Variants in SLC47A1 observed in about 807,000 individuals in gnomAD.
SLC47A1 encodes the protein solute carrier family 47 member 1.
SLC47A1 carries 58 observed loss-of-function variants against 65.8 expected under a neutral mutation model. The ratio of observed to expected loss-of-function variants is 0.88; its 90% CI spans 0.71 to 1.10. SLC47A1 has a LOEUF of 1.10. Ranked by LOEUF, SLC47A1 falls within the 50% of genes least tolerant of loss-of-function variation. The pLI, the probability that SLC47A1 is intolerant of heterozygous loss-of-function variation, is 0.00. For synonymous variants in SLC47A1, 285 were observed against 295.0 expected (o/e 0.97, Z 0.35); for missense variants, 706 against 719.2 (o/e 0.98, Z 0.21).
chr17:19,534,813 C>T (rs529446723), intron 1 of SLC47A1: 1 of 152,262 alleles, frequency 6.6e-6, no homozygotes, highest in South Asian at 2.1e-4. Flanking sequence ...TGCCTTGTCT[C>T]CTAAAAATAA....
At chr17:19,546,569 G>C in intron 3 of SLC47A1, 66 bp downstream of exon 3, 2 of 1,482,044 alleles carry the variant, frequency 1.3e-6, no homozygotes, top group Non-Finnish European at 1.9e-6. Flanking sequence ...AGATGGAAGA[G>C]CTCCACTGGC....
intron 2 of SLC47A1, 46 bp downstream of exon 2, chr17:19,542,540 G>T (rs1328850714): frequency 2.8e-6 from 4 of 1,422,730 alleles, no homozygotes; most frequent in Non-Finnish European, 3.9e-6. Context: ...GTCTGTGTTT[G>T]CCTTCTGCTG....
At chr17:19,537,924 C>G (rs564962018) in intron 1 of SLC47A1, among the ~76,000 whole-genome samples, 37 of 152,352 alleles carry the variant, frequency 2.4e-4, no homozygotes, top group South Asian at 1.2e-3. Context: ...GTTCATCATG[C>G]AGGTTTCAGC....
Position 19,549,637 on chromosome 17 carries a change from T to G in SLC47A1, c.458T>G (p.Leu153Arg). 1 of 1,614,186 alleles carries G rather than the reference T, an allele frequency of 6.2e-7. No individual in the cohort carries two copies. The highest frequency in any genetic ancestry group is 8.5e-7 in the Non-Finnish European group (1 of 1,180,006). The change falls in exon 5 of 17, where the codon CTT (leucine) becomes CGT (arginine). Residue 153 changes from leucine to arginine, a missense_variant and splice_region_variant. Leu to Arg is a moderately radical substitution (Grantham distance 102). Coordinates refer to ENST00000270570, the MANE Select transcript of SLC47A1 (RefSeq NM_018242.3). ...TTCTTTTTCTTTTCGTTATTTAGGCTTACCCAGACCTATGTCACGATCTTC... is the reference window on the plus strand; with the variant it reads ...TTCTTTTTCTTTTCGTTATTTAGGCGTACCCAGACCTATGTCACGATCTTC... ...LFRQDPDVSR[L>R]TQTYVTIFIP...
chr17:19,543,361 C>T (rs142515366), intron 2 of SLC47A1, among the ~76,000 whole-genome samples: 1,519 of 151,834 alleles, frequency 0.01, 20 homozygotes, highest in African/African-American at 0.034. Flanking sequence ...CCACCCGCCT[C>T]GGCCTCCCAA....
At chr17:19,545,988 G>C (rs4924998) in intron 2 of SLC47A1, among the ~76,000 whole-genome samples, 152,160 of 152,162 alleles carry the variant, frequency 1, 76,079 homozygotes, top group Non-Finnish European at 1. Context: ...TTTGGGAGGC[G>C]GAGGCGGGTG....
intron 1 of SLC47A1, among the ~76,000 whole-genome samples, chr17:19,541,407 T>TG (rs1916146560): frequency 6.6e-6 from 1 of 151,880 alleles, no homozygotes; most frequent in African/African-American, 2.4e-5. Context: ...GTCTAGTGGG[T>TG]GGGGGGCAGG....
rs1486733472 is a variant in SLC47A1 at position 19,577,448 on chromosome 17, A to T, written c.1608A>T (p.Lys536Asn). Residue 536 changes from lysine to asparagine, a missense_variant, in exon 17 of 17, where the codon AAA (lysine) becomes AAT (asparagine). Coordinates refer to ENST00000270570, the MANE Select transcript of SLC47A1 (RefSeq NM_018242.3). ...CGGAACATCCACAGGACGGCGCTAAATTGTCCAGGAAACAGCTGGTGCTGC... is the reference window on the plus strand; with the variant it reads ...CGGAACATCCACAGGACGGCGCTAATTTGTCCAGGAAACAGCTGGTGCTGC... ...PLPEHPQDGA[K>N]LSRKQLVLRR... The T allele has an allele frequency of 6.2e-7, 1 of 1,614,158 alleles. No homozygotes were observed. The highest frequency in any genetic ancestry group is 1.6e-4 in the Middle Eastern group (1 of 6,062).
At chr17:19,534,201 G>T (rs1915927562) in intron 1 of SLC47A1, 127 bp downstream of exon 1, 1 of 1,256,298 alleles carries the variant, frequency 8.0e-7, no homozygotes, top group African/African-American at 1.6e-5. Flanking sequence ...GCTCCGGGGA[G>T]CATCGTGCCA....
chr17:19,577,542 A>C lies in SLC47A1; in HGVS notation c.1702A>C (p.Arg568=). ...GGGGATTTTAGTGAGATTCTATGTC[A>C]GAATTCAGTGACGTGGTAGGAAAGA... ...LVGILVRFYV[R]IQ Residue 568 remains arginine, a synonymous_variant, in exon 17 of 17, where the codon AGA becomes CGA. Coordinates refer to ENST00000270570, the MANE Select transcript of SLC47A1 (RefSeq NM_018242.3). 1 of 1,614,118 alleles carries C rather than the reference A, an allele frequency of 6.2e-7. No individual in the cohort carries two copies. Among genetic ancestry groups the C allele is most frequent in the Non-Finnish European group, 8.5e-7 (1 of 1,179,972 alleles).
rs1916343804 is a variant in SLC47A1, at chr17:19,548,139, A to G, written c.455+6A>G. ...CAGGACCCAGATGTGTCCAGGTAAGATGGAACCTGTCGCAGCGGGACTTGG... is the reference window on the plus strand; with the variant it reads ...CAGGACCCAGATGTGTCCAGGTAAGGTGGAACCTGTCGCAGCGGGACTTGG... On this transcript the variant is annotated splice_donor_region_variant and intron_variant, in intron 4 of 16. Coordinates refer to ENST00000270570, the MANE Select transcript of SLC47A1 (RefSeq NM_018242.3). 3.1e-6 allele frequency: 5 copies of G among 1,607,734 alleles called. No individual in the cohort carries two copies. Among genetic ancestry groups the G allele is most frequent in the Non-Finnish European group, 4.3e-6 (5 of 1,175,974 alleles).
chr17:19,571,459 T>G lies in SLC47A1; in HGVS notation c.1310-19T>G. ...GGTTTTCTATGGAATTAACCTCTAT[T>G]AAATATTTCTATTTCTAGGTCTGTG... On this transcript the variant is annotated intron_variant, in intron 14 of 16. Transcript: ENST00000270570. The G allele has an allele frequency of 6.2e-7, 1 of 1,607,024 alleles. No individual in the cohort carries two copies. The highest frequency in any genetic ancestry group is 8.5e-7 in the Non-Finnish European group (1 of 1,175,236).
At chr17:19,572,623 A>G (rs1356112747) in intron 15 of SLC47A1, among the ~76,000 whole-genome samples, 157 bp from the exon 16 acceptor site, 1 of 152,108 alleles carries the variant, frequency 6.6e-6, no homozygotes, top group African/African-American at 2.4e-5. Flanking sequence ...GCCTGGCCCC[A>G]TTTCAATCTT....
At chr17:19,547,568 C>A (rs1189696894) in intron 3 of SLC47A1, among the ~76,000 whole-genome samples, 3 of 151,880 alleles carry the variant, frequency 2.0e-5, no homozygotes, top group African/African-American at 7.3e-5. Flanking sequence ...GAATCCTGCC[C>A]TGTGTGAATT....
intron 16 of SLC47A1, among the ~76,000 whole-genome samples, chr17:19,574,952 T>A (rs1472920958): frequency 6.6e-6 from 1 of 152,146 alleles, no homozygotes; most frequent in East Asian, 1.9e-4. Flanking sequence ...TGGCACTTAC[T>A]TTTATACTAC....
chr17:19,549,087 G>C (rs1298313779), intron 4 of SLC47A1, among the ~76,000 whole-genome samples: 1 of 152,106 alleles, frequency 6.6e-6, no homozygotes, highest in Non-Finnish European at 1.5e-5. Flanking sequence ...CCTGGCCATA[G>C]TGCTGAGGTT....
intron 6 of SLC47A1, among the ~76,000 whole-genome samples, chr17:19,552,130 A>G (rs1916468780): frequency 6.6e-6 from 1 of 152,230 alleles, no homozygotes; most frequent in African/African-American, 2.4e-5. Flanking sequence ...GTGCAACAGG[A>G]AGGGCCAGGA....
chr17:19,573,096 T>C (rs2084412859), intron 16 of SLC47A1, among the ~76,000 whole-genome samples: 1 of 152,248 alleles, frequency 6.6e-6, no homozygotes, highest in Admixed American at 6.5e-5. Flanking sequence ...CCCTAATTTC[T>C]GCAAGCACTT....
chr17:19,565,868 A>G (rs2084353522), intron 12 of SLC47A1, among the ~76,000 whole-genome samples: 2 of 152,168 alleles, frequency 1.3e-5, no homozygotes, highest in African/African-American at 2.4e-5. Flanking sequence ...GGCGTGAGCC[A>G]CCGTGCCTGG....
Sources: allele counts gnomAD v4.1 joint callset (sites outside exome capture counted in the v4.1 genomes callset), GRCh38; gene constraint gnomAD v4.1.1; transcripts MANE v1.5; gene names NCBI Gene and HGNC (gene_info 2026-07-23, HGNC 2026-07-21).